EFCAB3: variants seen among roughly 807,000 people sequenced by gnomAD.
EFCAB3 encodes EF-hand calcium-binding domain-containing protein 3.
A neutral mutation model predicts 42.2 loss-of-function variants in EFCAB3; 36 were observed. That is an observed-to-expected ratio of 0.85 (90% confidence interval 0.65 to 1.13). The LOEUF (loss-of-function observed/expected upper bound fraction) is 1.13. Ranked by LOEUF, EFCAB3 falls within the 50% of genes most tolerant of loss-of-function variation. EFCAB3 has a pLI of 0.00. For synonymous variants in EFCAB3, 170 were observed against 172.8 expected, an observed-to-expected ratio of 0.98 and a Z score of 0.13; for missense variants, 418 against 505.1, an observed-to-expected ratio of 0.83 and a Z score of 1.65.
chr17:62,375,660 A>G (rs2070144629), upstream of EFCAB3, among the ~76,000 whole-genome samples: 1 of 152,222 alleles, frequency 6.6e-6, no homozygotes, highest in African/African-American at 2.4e-5. Flanking sequence ...GGTCATTCTT[A>G]AGATAATCCC....
upstream of EFCAB3, among the ~76,000 whole-genome samples, chr17:62,376,964 T>C (rs539161185): frequency 2.6e-5 from 4 of 152,322 alleles, no homozygotes; most frequent in East Asian, 5.8e-4. Flanking sequence ...AACCATCATG[T>C]TGCCACGTGC....
chr17:62,386,171 A>G (rs2070249003), intron 2 of EFCAB3, among the ~76,000 whole-genome samples: 1 of 152,152 alleles, frequency 6.6e-6, no homozygotes, highest in African/African-American at 2.4e-5. Context: ...TTGGAGTTAA[A>G]TCACATTTAC....
intron 6 of EFCAB3, among the ~76,000 whole-genome samples, chr17:62,398,640 C>T (rs959992586): frequency 2.6e-5 from 4 of 151,370 alleles, no homozygotes; most frequent in African/African-American, 4.9e-5. Context: ...TGCACTCCAG[C>T]GTGGGCAACA....
intron 6 of EFCAB3, among the ~76,000 whole-genome samples, chr17:62,402,501 C>A (rs149374281): frequency 6.6e-6 from 1 of 152,004 alleles, no homozygotes; most frequent in African/African-American, 2.4e-5. Flanking sequence ...TAGCATGAAG[C>A]GCTGTTGAAT....
intron 1 of EFCAB3, chr17:62,380,930 C>A (rs2144055409): frequency 6.6e-6 from 1 of 152,250 alleles, no homozygotes; most frequent in Non-Finnish European, 1.5e-5. Flanking sequence ...GGATAGTATT[C>A]AATTATCCAT....
chr17:62,403,224 T>C (rs2070419468), intron 6 of EFCAB3, among the ~76,000 whole-genome samples: 1 of 152,176 alleles, frequency 6.6e-6, no homozygotes, highest in South Asian at 2.1e-4. Flanking sequence ...AGGCGCAGCA[T>C]AATCCCCAGT....
At chr17:62,404,023 T>A (rs1191101918) in intron 6 of EFCAB3, among the ~76,000 whole-genome samples, 1 of 152,148 alleles carries the variant, frequency 6.6e-6, no homozygotes, top group Non-Finnish European at 1.5e-5. Flanking sequence ...CCATGCTCTC[T>A]CACCTCCTGG....
At chr17:62,385,365 C>T (rs2070239997) in intron 2 of EFCAB3, among the ~76,000 whole-genome samples, 1 of 152,146 alleles carries the variant, frequency 6.6e-6, no homozygotes, top group African/African-American at 2.4e-5. Context: ...ATCCTTGAGC[C>T]TGGGCGGTCA....
chr17:62,381,780 C>G (rs575054803), intron 1 of EFCAB3: 1 of 412,226 alleles, frequency 2.4e-6, no homozygotes, highest in African/African-American at 2.1e-5. Context: ...GGACGACGAC[C>G]GGCTCAACGA....
intron 9 of EFCAB3, among the ~76,000 whole-genome samples, chr17:62,415,567 CTGTT>C (rs1186904113): frequency 6.6e-6 from 1 of 152,108 alleles, no homozygotes; most frequent in Non-Finnish European, 1.5e-5. Context: ...CTTGGGGTCT[CTGTT>C]TGTGCTGTCC....
At chr17:62,412,361 CAAAAAAAA>C in intron 8 of EFCAB3, among the ~76,000 whole-genome samples, 2 of 65,932 alleles carry the variant, frequency 3.0e-5, no homozygotes, top group South Asian at 5.1e-4. Flanking sequence ...GACTCTGTCT[CAAAAAAAA>C]AAAAAAAAAA....
At chr17:62,414,976 C>T (rs1435127763) in intron 9 of EFCAB3, among the ~76,000 whole-genome samples, 4 of 151,926 alleles carry the variant, frequency 2.6e-5, no homozygotes, top group Middle Eastern at 3.4e-3. Flanking sequence ...TGGTCGTGGG[C>T]GCCTGTAATC....
intron 1 of EFCAB3, chr17:62,370,453 G>A (rs1238424181): frequency 7.1e-5 from 60 of 848,756 alleles, no homozygotes; most frequent in Admixed American, 3.1e-4. Flanking sequence ...TCAGGAGTTC[G>A]AGACTAGCCT....
chr17:62,400,885 G>C (rs2070395994), intron 6 of EFCAB3, among the ~76,000 whole-genome samples: 1 of 152,124 alleles, frequency 6.6e-6, no homozygotes, highest in Non-Finnish European at 1.5e-5. Flanking sequence ...CAGTGTAAAA[G>C]TGTTCCTATT....
chr17:62,411,601 T>C (rs910374140), intron 8 of EFCAB3, among the ~76,000 whole-genome samples: 2 of 152,048 alleles, frequency 1.3e-5, no homozygotes, highest in African/African-American at 2.4e-5. Flanking sequence ...AAACCCCATC[T>C]GTACTAAATA....
chr17:62,384,706 T>A (rs1181763442), intron 2 of EFCAB3, among the ~76,000 whole-genome samples: 1 of 152,242 alleles, frequency 6.6e-6, no homozygotes, highest in East Asian at 1.9e-4. Flanking sequence ...CTGCATCTTC[T>A]ACATCATGCA....
intron 2 of EFCAB3, among the ~76,000 whole-genome samples, chr17:62,384,732 T>C (rs2070233940): frequency 6.6e-6 from 1 of 152,262 alleles, no homozygotes; most frequent in Non-Finnish European, 1.5e-5. Context: ...AATTTGTTTA[T>C]ATTTAGAAAT....
intron 8 of EFCAB3, among the ~76,000 whole-genome samples, chr17:62,413,202 A>G (rs984320847): frequency 6.6e-6 from 1 of 152,218 alleles, no homozygotes; most frequent in African/African-American, 2.4e-5. Flanking sequence ...CATAACACAG[A>G]AGGCTAACTT....
intron 5 of EFCAB3, among the ~76,000 whole-genome samples, chr17:62,394,396 A>G (rs1374954090): frequency 1.3e-5 from 2 of 152,190 alleles, no homozygotes; most frequent in Non-Finnish European, 1.5e-5. Flanking sequence ...TCTTGAAAAA[A>G]TACCTTCCCC....
Sources: allele counts gnomAD v4.1 joint callset (sites outside exome capture counted in the v4.1 genomes callset), GRCh38; gene constraint gnomAD v4.1.1; transcripts MANE v1.5; gene names NCBI Gene and HGNC (gene_info 2026-07-23, HGNC 2026-07-21).